Variants in FBXL17 observed in about 807,000 individuals in gnomAD.
FBXL17 encodes F-box/LRR-repeat protein 17.
In FBXL17, 22 loss-of-function variants were observed where a neutral mutation model predicts 66.2. The observed-to-expected ratio is 0.33, with a 90% CI of 0.24 to 0.47. The LOEUF (loss-of-function observed/expected upper bound fraction) is 0.47, where lower values mean the gene tolerates loss of function less well. FBXL17 is among the 20% of genes least tolerant of loss of function. The pLI, the probability that FBXL17 is intolerant of heterozygous loss-of-function variation, is 1.00. For synonymous variants in FBXL17, 474 were observed against 400.5 expected, an observed-to-expected ratio of 1.18 and a Z score of -2.19; for missense variants, 878 against 948.2, an observed-to-expected ratio of 0.93 and a Z score of 0.97.
At chr5:107,922,241 T>C (rs1042490186) in intron 7 of FBXL17, among the ~76,000 whole-genome samples, 2 of 152,188 alleles carry the variant, frequency 1.3e-5, no homozygotes, top group Non-Finnish European at 2.9e-5. Context: ...CTTCATGTAA[T>C]ACATTACAAT....
chr5:107,890,221 G>T (rs1015739747), intron 7 of FBXL17, among the ~76,000 whole-genome samples: 1 of 152,032 alleles, frequency 6.6e-6, no homozygotes, highest in Admixed American at 6.6e-5. Flanking sequence ...GTGAATTCTG[G>T]GTTTAAATAT....
intron 4 of FBXL17, among the ~76,000 whole-genome samples, chr5:108,228,743 C>T (rs1450262783): frequency 2.6e-5 from 4 of 152,096 alleles, no homozygotes; most frequent in African/African-American, 9.7e-5. Flanking sequence ...AGTTTCTTCT[C>T]CTGGTTATCA....
At chr5:108,307,870 C>T (rs1045658982) in intron 4 of FBXL17, among the ~76,000 whole-genome samples, 2 of 152,184 alleles carry the variant, frequency 1.3e-5, no homozygotes, top group Middle Eastern at 3.4e-3. Flanking sequence ...GGCAAATCAT[C>T]AGAAACTTTA....
At chr5:108,186,021 A>G (rs554006959) in intron 6 of FBXL17, 96 bp downstream of exon 6, 7 of 940,794 alleles carry the variant, frequency 7.4e-6, no homozygotes, top group Admixed American at 7.2e-5. Context: ...GCACAGCTGT[A>G]TTCAATTTTA....
At chr5:108,233,611 G>C (rs1226162631) in intron 4 of FBXL17, among the ~76,000 whole-genome samples, 1 of 152,126 alleles carries the variant, frequency 6.6e-6, no homozygotes, top group African/African-American at 2.4e-5. Flanking sequence ...GATTCACATG[G>C]CAGAGGTAAA....
At chr5:108,245,976 A>G (rs1756077369) in intron 4 of FBXL17, among the ~76,000 whole-genome samples, 1 of 152,176 alleles carries the variant, frequency 6.6e-6, no homozygotes, top group African/African-American at 2.4e-5. Flanking sequence ...GAATACATGA[A>G]TGAGTTAAAT....
intron 7 of FBXL17, among the ~76,000 whole-genome samples, chr5:107,918,164 T>G (rs942232317): frequency 6.6e-6 from 1 of 152,124 alleles, no homozygotes; most frequent in Non-Finnish European, 1.5e-5. Flanking sequence ...TCAGCTCCCA[T>G]GTGGCAGAAG....
intron 6 of FBXL17, among the ~76,000 whole-genome samples, chr5:108,087,695 A>C (rs1474352926): frequency 6.6e-6 from 1 of 152,154 alleles, no homozygotes; most frequent in Non-Finnish European, 1.5e-5. Flanking sequence ...CATTATAAAA[A>C]CATAAGCAGA....
At chr5:107,959,615 T>A (rs998446044) in intron 7 of FBXL17, among the ~76,000 whole-genome samples, 1 of 152,158 alleles carries the variant, frequency 6.6e-6, no homozygotes, top group Non-Finnish European at 1.5e-5. Context: ...TATATTTTAA[T>A]AGGAGTGGCT....
At chr5:107,904,972 G>T (rs1460338814) in intron 7 of FBXL17, among the ~76,000 whole-genome samples, 1 of 151,886 alleles carries the variant, frequency 6.6e-6, no homozygotes, top group Non-Finnish European at 1.5e-5. Flanking sequence ...AGAGGGAAGA[G>T]GAGGGAAGAG....
chr5:108,121,747 G>A (rs962711200), intron 6 of FBXL17, among the ~76,000 whole-genome samples: 1 of 151,948 alleles, frequency 6.6e-6, no homozygotes, highest in African/African-American at 2.4e-5. Flanking sequence ...TTAGTAGAGA[G>A]GGGGTTTCAC....
intron 6 of FBXL17, among the ~76,000 whole-genome samples, chr5:108,045,312 C>T (rs986880832): frequency 2.6e-5 from 4 of 151,864 alleles, no homozygotes; most frequent in Non-Finnish European, 5.9e-5. Flanking sequence ...CATGGTGGTG[C>T]GCACCTGTAA....
At chr5:108,312,900 C>G (rs1314385063) in intron 4 of FBXL17, among the ~76,000 whole-genome samples, 1 of 152,096 alleles carries the variant, frequency 6.6e-6, no homozygotes, top group Non-Finnish European at 1.5e-5. Flanking sequence ...GAGACTCTGA[C>G]TTCCTATTTT....
chr5:108,194,913 C>A (rs1237813768), intron 5 of FBXL17, among the ~76,000 whole-genome samples: 1 of 152,166 alleles, frequency 6.6e-6, no homozygotes, highest in Non-Finnish European at 1.5e-5. Flanking sequence ...GACTGGTAAC[C>A]ACTGCTCTGG....
intron 5 of FBXL17, among the ~76,000 whole-genome samples, chr5:108,191,471 A>G (rs544578488): frequency 4.6e-5 from 7 of 152,352 alleles, no homozygotes; most frequent in African/African-American, 1.7e-4. Context: ...TGGTGAGAGC[A>G]TATAATAAAA....
At chr5:108,021,500 T>C (rs552631964) in intron 6 of FBXL17, among the ~76,000 whole-genome samples, 5 of 151,504 alleles carry the variant, frequency 3.3e-5, no homozygotes, top group Admixed American at 6.6e-5. Context: ...AGATTAAAGA[T>C]GAAAGAAAAT....
At chr5:108,372,855 AT>A (rs1379588212) in intron 1 of FBXL17, among the ~76,000 whole-genome samples, 1 of 152,150 alleles carries the variant, frequency 6.6e-6, no homozygotes, top group Non-Finnish European at 1.5e-5. Flanking sequence ...AATTGTTGGT[AT>A]TTACATAGGT....
In FBXL17 at chr5:107,919,389, C is replaced by T. The variant is rs567243247; in HGVS notation, c.1823-38210G>A. Among the ~76,000 whole-genome samples the T allele has an allele frequency of 3.9e-5, 6 of 152,168 alleles. No homozygotes were observed. The South Asian group carries it at 1.2e-3, about 32-fold the overall frequency. ...GATCGCAACAGCTTCCTGACAGGTA[C>T]CTCTCCTTTGTCTCCAGAAGATCTA... On this transcript the variant is annotated intron_variant, in intron 7 of 8. Coordinates refer to ENST00000542267, the MANE Select transcript of FBXL17 (RefSeq NM_001163315.3).
intron 5 of FBXL17, among the ~76,000 whole-genome samples, chr5:108,198,679 T>C (rs977125972): frequency 3.9e-5 from 6 of 152,200 alleles, no homozygotes; most frequent in Admixed American, 2.6e-4. Flanking sequence ...TAGTTTTACA[T>C]TGTTCTATAA....
Sources: gnomAD v4.1 joint callset for allele counts (sites outside exome capture counted in the v4.1 genomes callset) on GRCh38, gnomAD v4.1.1 for gene constraint, MANE v1.5 for transcripts, NCBI Gene and HGNC (gene_info 2026-07-23, HGNC 2026-07-21) for gene names.